GABBR2: variants seen among roughly 807,000 people sequenced by gnomAD.
GABBR2 encodes gamma-aminobutyric acid type B receptor subunit 2.
A neutral mutation model predicts 105.6 loss-of-function variants in GABBR2; 23 were observed. That is an observed-to-expected ratio of 0.22 (90% CI 0.16 to 0.31). GABBR2 has a LOEUF of 0.31. Ranked by LOEUF, GABBR2 falls within the 10% of genes least tolerant of loss-of-function variation. GABBR2 has a pLI of 1.00. For missense variants in GABBR2, 734 were observed against 1,245.5 expected, an observed-to-expected ratio of 0.59 and a Z score of 6.18; for synonymous variants, 478 against 499.7, an observed-to-expected ratio of 0.96 and a Z score of 0.58.
intron 11 of GABBR2, among the ~76,000 whole-genome samples, chr9:98,381,084 G>A (rs935491112): frequency 1.3e-5 from 2 of 152,212 alleles, no homozygotes; most frequent in Non-Finnish European, 2.9e-5. Context: ...CTGTGACGAG[G>A]ATGCAAGGTG....
At chr9:98,322,260 A>G (rs1049955076) in intron 13 of GABBR2, among the ~76,000 whole-genome samples, 2 of 151,942 alleles carry the variant, frequency 1.3e-5, no homozygotes, top group African/African-American at 4.8e-5. Context: ...CTAGCTCAGA[A>G]AGCAGCCCAC....
chr9:98,694,772 A>G (rs1830727532), intron 1 of GABBR2, among the ~76,000 whole-genome samples: 1 of 152,194 alleles, frequency 6.6e-6, no homozygotes, highest in Non-Finnish European at 1.5e-5. Context: ...TCTCTATAAT[A>G]ACTCTATGAA....
intron 6 of GABBR2, among the ~76,000 whole-genome samples, chr9:98,470,559 G>C (rs1403215858): frequency 6.6e-6 from 1 of 152,158 alleles, no homozygotes; most frequent in East Asian, 1.9e-4. Flanking sequence ...TACAATTCAA[G>C]ACAAGATTTG....
intron 4 of GABBR2, among the ~76,000 whole-genome samples, chr9:98,491,252 A>G (rs1827171064): frequency 6.6e-6 from 1 of 152,194 alleles, no homozygotes; most frequent in Non-Finnish European, 1.5e-5. Flanking sequence ...GTCTGATATG[A>G]ATACTGGGAT....
rs189004704 is a variant in GABBR2 at position 98,475,039 on chromosome 9, T to C, written c.799-1693A>G. ...TTCGGCAAGGTATCTGAAGATTAAA[T>C]AGACATTGCTTAACAAAAGACCCCT... On this transcript the variant is annotated intron_variant, in intron 5 of 18. Coordinates refer to ENST00000259455, the MANE Select transcript of GABBR2 (RefSeq NM_005458.8). 2.3e-3 allele frequency among the ~76,000 whole-genome samples: 357 copies of C among 152,236 alleles called. 1 individual carries two copies. Among genetic ancestry groups the C allele is most frequent in the African/African-American group, 8.2e-3 (342 of 41,540 alleles).
intron 1 of GABBR2, among the ~76,000 whole-genome samples, chr9:98,672,103 T>C (rs1221923561): frequency 1.3e-5 from 2 of 152,226 alleles, no homozygotes; most frequent in African/African-American, 4.8e-5. Flanking sequence ...CTTTTTAAAA[T>C]GCACAGTTCA....
At chr9:98,562,437 CTG>C (rs1278546489) in intron 2 of GABBR2, among the ~76,000 whole-genome samples, 1 of 152,122 alleles carries the variant, frequency 6.6e-6, no homozygotes, top group Admixed American at 6.5e-5. Flanking sequence ...TATTGTATCA[CTG>C]TTAAATTTTT....
intron 7 of GABBR2, among the ~76,000 whole-genome samples, chr9:98,445,927 G>A (rs1826120211): frequency 1.3e-5 from 2 of 152,210 alleles, no homozygotes; most frequent in South Asian, 4.1e-4. Context: ...TAATGCTTAG[G>A]GCTGCTGGAG....
chr9:98,526,079 G>A (rs1045835874), intron 3 of GABBR2, among the ~76,000 whole-genome samples: 1 of 152,256 alleles, frequency 6.6e-6, no homozygotes, highest in South Asian at 2.1e-4. Context: ...AGTGGTAATT[G>A]TTGCACATTA....
intron 7 of GABBR2, 111 bp from the exon 8 acceptor site, chr9:98,406,252 C>T (rs1485708628): frequency 3.4e-6 from 2 of 586,798 alleles, no homozygotes; most frequent in Admixed American, 6.9e-5. Flanking sequence ...ATTATTAATA[C>T]TGGAGGAAAA....
At chr9:98,380,318 T>C (rs1041803893) in intron 11 of GABBR2, among the ~76,000 whole-genome samples, 4 of 152,186 alleles carry the variant, frequency 2.6e-5, no homozygotes, top group Non-Finnish European at 5.9e-5. Flanking sequence ...CACGCTGGGA[T>C]CTAAGGTCCG....
chr9:98,699,604 C>T (rs2131885617), intron 1 of GABBR2, among the ~76,000 whole-genome samples: 1 of 152,272 alleles, frequency 6.6e-6, no homozygotes, highest in East Asian at 1.9e-4. Context: ...CTAGGGGGAC[C>T]ACAGAGGAGC....
chr9:98,446,574 A>C (rs553263833), intron 7 of GABBR2, among the ~76,000 whole-genome samples: 5 of 152,308 alleles, frequency 3.3e-5, no homozygotes, highest in African/African-American at 4.8e-5. Flanking sequence ...AGGGAGAGAG[A>C]TTAGAGTCTC....
intron 13 of GABBR2, among the ~76,000 whole-genome samples, chr9:98,351,870 A>C (rs1420613407): frequency 2.6e-5 from 4 of 152,082 alleles, no homozygotes; most frequent in Non-Finnish European, 5.9e-5. Context: ...GTTCCTTTGG[A>C]GGTATCATGT....
chr9:98,606,986 A>G, intron 1 of GABBR2: 1 of 828,398 alleles, frequency 1.2e-6, no homozygotes, highest in Non-Finnish European at 2.1e-6. Flanking sequence ...TGCTCGCCCC[A>G]TGTCGCTCGG....
In GABBR2 at chr9:98,573,899, C is replaced by T. The variant is rs1321476251; in HGVS notation, c.459+4036G>A. 2.6e-5 allele frequency among the ~76,000 whole-genome samples: 4 copies of T among 152,064 alleles called. No homozygotes were observed. In the South Asian group the frequency reaches 8.3e-4, roughly 32 times the overall value. On this transcript the variant is annotated intron_variant, in intron 2 of 18. Coordinates refer to ENST00000259455, the MANE Select transcript of GABBR2 (RefSeq NM_005458.8). ...TAAAAAAGTAAGATTTTTTTTGCCT[C>T]GCCACAAGAACCAATGTTTACTCCC...
intron 11 of GABBR2, among the ~76,000 whole-genome samples, chr9:98,380,327 C>T (rs549430116): frequency 2.0e-5 from 3 of 152,334 alleles, no homozygotes; most frequent in South Asian, 2.1e-4. Context: ...ATCTAAGGTC[C>T]GCCTGGAGCC....
intron 1 of GABBR2, among the ~76,000 whole-genome samples, chr9:98,698,195 G>A (rs1830780739): frequency 6.6e-6 from 1 of 152,170 alleles, no homozygotes; most frequent in South Asian, 2.1e-4. Flanking sequence ...AGTGACTGAT[G>A]ATGTCCTTGC....
At chr9:98,701,159 T>C (rs1663358615) in intron 1 of GABBR2, among the ~76,000 whole-genome samples, 2 of 152,262 alleles carry the variant, frequency 1.3e-5, no homozygotes, top group African/African-American at 2.4e-5. Context: ...GATGTTACTC[T>C]GCCCACAGGG....
Sources: gnomAD v4.1 joint callset for allele counts (sites outside exome capture counted in the v4.1 genomes callset) on GRCh38, gnomAD v4.1.1 for gene constraint, MANE v1.5 for transcripts, NCBI Gene and HGNC (gene_info 2026-07-23, HGNC 2026-07-21) for gene names.